NCKAP5: variants seen among roughly 807,000 people sequenced by gnomAD.
The protein encoded by NCKAP5 is NCK associated protein 5.
In NCKAP5, 92 loss-of-function variants were observed where a neutral mutation model predicts 167.0. The ratio of observed to expected loss-of-function variants is 0.55; its 90% CI spans 0.47 to 0.66. NCKAP5 has a LOEUF of 0.66. Among genes scored for constraint, NCKAP5 ranks in the 30% least tolerant of loss-of-function variants. The pLI, the probability that NCKAP5 is intolerant of heterozygous loss-of-function variation, is 0.00. For missense variants in NCKAP5, 2,378 were observed against 2,315.0 expected (o/e 1.03, Z -0.56); for synonymous variants, 891 against 877.4 (o/e 1.02, Z -0.27).
chr2:132,977,987 C>T (rs1296036396), intron 7 of NCKAP5, among the ~76,000 whole-genome samples: 4 of 152,148 alleles, frequency 2.6e-5, no homozygotes, highest in African/African-American at 9.7e-5. Context: ...CTCACAGCCT[C>T]AGTGGGAGTA....
chr2:133,672,618 T>G, the NCKAP5 span, among the ~76,000 whole-genome samples: 9,596 of 152,234 alleles, frequency 0.063, 987 homozygotes, highest in African/African-American at 0.22. Context: ...GTTTTAGGCT[T>G]TTCAGGGCCA....
At chr2:133,283,812 T>C (rs1352340116) in intron 4 of NCKAP5, among the ~76,000 whole-genome samples, 1 of 152,152 alleles carries the variant, frequency 6.6e-6, no homozygotes, top group Non-Finnish European at 1.5e-5. Flanking sequence ...GGTTTCACCA[T>C]GTTGGCCAGG....
chr2:133,004,571 T>C (rs977439708), intron 6 of NCKAP5, among the ~76,000 whole-genome samples: 1 of 152,102 alleles, frequency 6.6e-6, no homozygotes, highest in African/African-American at 2.4e-5. Flanking sequence ...AGAGATCACA[T>C]GCTTCATAGG....
At chr2:133,282,666 C>T (rs548243440) in intron 4 of NCKAP5, among the ~76,000 whole-genome samples, 11 of 152,198 alleles carry the variant, frequency 7.2e-5, no homozygotes, top group South Asian at 4.2e-4. Context: ...TTGGGTAATA[C>T]GGTATATGAA....
At chr2:133,648,189 C>G in the NCKAP5 span, among the ~76,000 whole-genome samples, 4 of 151,846 alleles carry the variant, frequency 2.6e-5, no homozygotes, top group African/African-American at 9.7e-5. Context: ...AGATAACAAT[C>G]ATGTTATCTA....
At chr2:132,692,751 T>C (rs537395235) in intron 19 of NCKAP5, among the ~76,000 whole-genome samples, 12 of 152,354 alleles carry the variant, frequency 7.9e-5, no homozygotes, top group African/African-American at 2.2e-4. Flanking sequence ...GGAAAACCAC[T>C]GCAAACCAAG....
chr2:133,583,851 T>G, the NCKAP5 span, among the ~76,000 whole-genome samples: 1 of 152,184 alleles, frequency 6.6e-6, no homozygotes, highest in Admixed American at 6.5e-5. Flanking sequence ...CCTCCTGGGT[T>G]CACGCCATTC....
intron 19 of NCKAP5, among the ~76,000 whole-genome samples, chr2:132,702,032 A>C (rs544236288): frequency 4.6e-5 from 7 of 152,282 alleles, no homozygotes; most frequent in Admixed American, 1.3e-4. Context: ...TTTTTGGCAA[A>C]TGGTCTCACA....
rs79605760 is a variant in NCKAP5, at chr2:133,066,016, A to C, written c.341+63962T>G. Among the ~76,000 whole-genome samples the C allele has an allele frequency of 2.6e-5, 4 of 152,330 alleles. No homozygotes were observed. In the East Asian group the frequency reaches 7.7e-4, roughly 29 times the overall value. ...AGGTTCAAGCAAAATCTAAGGAAGGAGTGTGTGAGTGTATGTGTGAATGTG... is the reference window on the plus strand; with the variant it reads ...AGGTTCAAGCAAAATCTAAGGAAGGCGTGTGTGAGTGTATGTGTGAATGTG... On this transcript the variant is annotated intron_variant, in intron 6 of 19. Coordinates refer to ENST00000409261, the MANE Select transcript of NCKAP5 (RefSeq NM_207363.3).
the NCKAP5 span, among the ~76,000 whole-genome samples, chr2:133,669,764 C>A: frequency 6.6e-6 from 1 of 152,222 alleles, no homozygotes; most frequent in South Asian, 2.1e-4. Context: ...GTCCTAACAG[C>A]AAAAATTACT....
chr2:133,596,611 A>G, the NCKAP5 span, among the ~76,000 whole-genome samples: 4 of 152,248 alleles, frequency 2.6e-5, no homozygotes. Flanking sequence ...CGCCAGCATG[A>G]ATGAGCGAAC....
At chr2:133,032,696 C>T (rs1326966666) in intron 6 of NCKAP5, among the ~76,000 whole-genome samples, 2 of 152,170 alleles carry the variant, frequency 1.3e-5, no homozygotes, top group East Asian at 3.9e-4. Context: ...CTATATGAGT[C>T]TGTTCTCACA....
chr2:133,354,266 TCCTTTTTCTTTCCCTTTTCTCTC>T (rs1684558082), intron 3 of NCKAP5, among the ~76,000 whole-genome samples: 1 of 150,786 alleles, frequency 6.6e-6, no homozygotes, highest in Admixed American at 6.6e-5. Flanking sequence ...TTTTTTTTTT[TCCTTTTTCTTTCCCTTTTCTCTC>T]TTTCCTTTTT....
At chr2:133,341,592 A>G (rs1414606231) in intron 3 of NCKAP5, among the ~76,000 whole-genome samples, 1 of 152,214 alleles carries the variant, frequency 6.6e-6, no homozygotes, top group Non-Finnish European at 1.5e-5. Context: ...CTGTTATCTG[A>G]GAATGTATCT....
At chr2:132,928,847 G>A (rs1051150264) in intron 8 of NCKAP5, among the ~76,000 whole-genome samples, 18 of 152,064 alleles carry the variant, frequency 1.2e-4, no homozygotes, top group African/African-American at 3.6e-4. Context: ...AGACTCCTAC[G>A]TGGTGGCTCA....
chr2:133,055,867 C>T lies in NCKAP5; in HGVS notation c.342-61628G>A, dbSNP rs558449753. 8.5e-5 allele frequency among the ~76,000 whole-genome samples: 13 copies of T among 152,284 alleles called. No homozygotes were observed. In the East Asian group the frequency reaches 2.3e-3, roughly 27 times the overall value. ...TCTCTGAATTTTCCATCTGGCCAGG[C>T]TGCTCCTGAGCTTTGCCTGCCTTGC... On this transcript the variant is annotated intron_variant, in intron 6 of 19. Coordinates refer to ENST00000409261, the MANE Select transcript of NCKAP5 (RefSeq NM_207363.3).
At chr2:133,147,283 G>C (rs1363885029) in intron 5 of NCKAP5, among the ~76,000 whole-genome samples, 1 of 152,154 alleles carries the variant, frequency 6.6e-6, no homozygotes, top group African/African-American at 2.4e-5. Flanking sequence ...ATTCTGATCA[G>C]AGTGAGAAGG....
chr2:133,321,783 C>T (rs1682075464), intron 3 of NCKAP5, among the ~76,000 whole-genome samples: 1 of 152,152 alleles, frequency 6.6e-6, no homozygotes. Flanking sequence ...CCAATATTCC[C>T]TAGCCACATA....
intron 6 of NCKAP5, among the ~76,000 whole-genome samples, chr2:133,012,527 C>T (rs149742630): frequency 5.2e-4 from 79 of 152,272 alleles, no homozygotes; most frequent in East Asian, 1.7e-3. Flanking sequence ...GGATTACAGG[C>T]GTGTCAGAGT....
Sources: allele counts gnomAD v4.1 joint callset (sites outside exome capture counted in the v4.1 genomes callset), GRCh38; gene constraint gnomAD v4.1.1; transcripts MANE v1.5; gene names NCBI Gene and HGNC (gene_info 2026-07-23, HGNC 2026-07-21).